The following SMARCC1 variants were observed in gnomAD, a reference collection of about 807,000 sequenced individuals.
SMARCC1 encodes the protein SWI/SNF related BAF chromatin remodeling complex subunit C1.
In SMARCC1, 43 loss-of-function variants were observed where a neutral mutation model predicts 147.4. The ratio of observed to expected loss-of-function variants is 0.29; its 90% CI spans 0.23 to 0.38. The LOEUF (loss-of-function observed/expected upper bound fraction) is 0.38, where lower values mean the gene tolerates loss of function less well. Among genes scored for constraint, SMARCC1 ranks in the 10% least tolerant of loss-of-function variants. The pLI is 1.00. For missense variants in SMARCC1, 1,119 were observed against 1,381.1 expected (o/e 0.81, Z 3.01); for synonymous variants, 495 against 484.4 (o/e 1.02, Z -0.29).
chr3:47,781,505 C>G (rs999125512), intron 1 of SMARCC1, 98 bp downstream of exon 1: 2 of 825,164 alleles, frequency 2.4e-6, no homozygotes, highest in Non-Finnish European at 3.4e-6. Context: ...TCCCTCGTGG[C>G]GTGCGGGGGG....
At chr3:47,680,864 A>G (rs995837323) in intron 14 of SMARCC1, among the ~76,000 whole-genome samples, 2 of 152,030 alleles carry the variant, frequency 1.3e-5, no homozygotes, top group African/African-American at 4.8e-5. Context: ...TCTTTTTAAA[A>G]GAATAAAATC....
intron 19 of SMARCC1, among the ~76,000 whole-genome samples, chr3:47,667,332 A>G (rs7355883): frequency 0.011 from 1,480 of 140,166 alleles, 20 homozygotes; most frequent in African/African-American, 0.036. Flanking sequence ...AAAAAAAAAA[A>G]AGAGAGAGAG....
chr3:47,722,982 C>A (rs2034250822), intron 6 of SMARCC1, among the ~76,000 whole-genome samples: 1 of 152,124 alleles, frequency 6.6e-6, no homozygotes, highest in Admixed American at 6.6e-5. Context: ...GCAAGAAACA[C>A]TGGGGTACAG....
At chr3:47,681,254 T>A (rs2033640702) in intron 14 of SMARCC1, among the ~76,000 whole-genome samples, 1 of 152,210 alleles carries the variant, frequency 6.6e-6, no homozygotes. Flanking sequence ...CTCAGGCTGT[T>A]AACATAAATG....
At chr3:47,732,627 T>C (rs1427313142) in intron 5 of SMARCC1, among the ~76,000 whole-genome samples, 1 of 152,138 alleles carries the variant, frequency 6.6e-6, no homozygotes, top group Non-Finnish European at 1.5e-5. Flanking sequence ...TTAATACTTG[T>C]GGGTCTCAGG....
chr3:47,640,973 A>G (rs2033040496), intron 21 of SMARCC1, among the ~76,000 whole-genome samples: 1 of 152,172 alleles, frequency 6.6e-6, no homozygotes, highest in African/African-American at 2.4e-5. Context: ...ATCTGACAAA[A>G]CTCAGTACTG....
At chr3:47,714,598 G>C in intron 7 of SMARCC1, 108 bp from the exon 8 acceptor site, 1 of 636,968 alleles carries the variant, frequency 1.6e-6, no homozygotes, top group South Asian at 2.0e-5. Flanking sequence ...TAAAATCCCA[G>C]CCTGGTCAAC....
chr3:47,724,211 T>C (rs941249355), intron 6 of SMARCC1, among the ~76,000 whole-genome samples: 3 of 152,208 alleles, frequency 2.0e-5, no homozygotes, highest in African/African-American at 7.2e-5. Flanking sequence ...TGCACACCCA[T>C]GTTCATTACA....
intron 26 of SMARCC1, among the ~76,000 whole-genome samples, chr3:47,599,146 G>C (rs568108739): frequency 2.0e-5 from 3 of 152,266 alleles, no homozygotes; most frequent in South Asian, 2.1e-4. Context: ...CAGCACTTTG[G>C]GGGGCTGAGG....
intron 14 of SMARCC1, among the ~76,000 whole-genome samples, chr3:47,681,510 T>A (rs1398259326): frequency 6.6e-6 from 1 of 152,180 alleles, no homozygotes; most frequent in Non-Finnish European, 1.5e-5. Flanking sequence ...ACAAACTGTA[T>A]ATCTAGCACA....
At chr3:47,590,941 G>A (rs369441738) in intron 26 of SMARCC1, 104 bp from the exon 27 acceptor site, 4 of 949,584 alleles carry the variant, frequency 4.2e-6, no homozygotes, top group Middle Eastern at 2.2e-4. Flanking sequence ...CCTTCCAAAG[G>A]ATCTGAAATA....
chr3:47,705,100 G>C (rs1347566592), intron 10 of SMARCC1, among the ~76,000 whole-genome samples: 1 of 151,834 alleles, frequency 6.6e-6, no homozygotes, highest in Non-Finnish European at 1.5e-5. Context: ...GAGGCAGGTG[G>C]ATCACGAGGT....
chr3:47,594,777 C>T (rs139736671), intron 26 of SMARCC1, among the ~76,000 whole-genome samples: 2 of 152,338 alleles, frequency 1.3e-5, no homozygotes, highest in East Asian at 3.9e-4. Context: ...AGGACTCAGG[C>T]ATCCTTGTGG....
At chr3:47,683,869 C>T (rs1469382451) in intron 14 of SMARCC1, among the ~76,000 whole-genome samples, 2 of 152,040 alleles carry the variant, frequency 1.3e-5, no homozygotes, top group Non-Finnish European at 2.9e-5. Flanking sequence ...AAAACAACAA[C>T]AACAAAACAG....
chr3:47,663,170 G>A (rs1576403304), intron 19 of SMARCC1, among the ~76,000 whole-genome samples: 1 of 96,790 alleles, frequency 1.0e-5, no homozygotes. Flanking sequence ...GAGGGTAGGG[G>A]AGAGGAGGGG....
Position 47,745,977 on chromosome 3 carries a change from T to A in SMARCC1, c.332A>T (p.Asp111Val), listed in dbSNP as rs2034560144. 6.3e-7 allele frequency: 1 copy of A among 1,581,242 alleles called. No homozygotes were observed. Among genetic ancestry groups the A allele is most frequent in the Non-Finnish European group, 8.6e-7 (1 of 1,168,886 alleles). Reference sequence around the variant, plus strand: ...ACATAAGGCGCCTCCAGCTTTGAAATCCATGAAACACTTTGCCTAAAAATG... The same window carrying A: ...ACATAAGGCGCCTCCAGCTTTGAAAACCATGAAACACTTTGCCTAAAAATG... ...FTKLPAKCFMDFKAGGALCHI... is the reference protein window; with the variant it reads ...FTKLPAKCFMVFKAGGALCHI... Residue 111 changes from aspartate to valine, a missense_variant, in exon 3 of 28, where the codon GAT becomes GTT. Asp to Val is a radical substitution (Grantham distance 152). Coordinates refer to ENST00000254480, the MANE Select transcript of SMARCC1 (RefSeq NM_003074.4).
chr3:47,631,741 G>A (rs1333075838), intron 24 of SMARCC1, among the ~76,000 whole-genome samples: 1 of 152,146 alleles, frequency 6.6e-6, no homozygotes, highest in Non-Finnish European at 1.5e-5. Context: ...GATTCTTAAG[G>A]AAAACTTTTA....
At chr3:47,609,031 G>A (rs946345122) in intron 26 of SMARCC1, among the ~76,000 whole-genome samples, 1 of 151,844 alleles carries the variant, frequency 6.6e-6, no homozygotes, top group Non-Finnish European at 1.5e-5. Flanking sequence ...CACATAAATG[G>A]CACAAAAAAG....
chr3:47,668,528 T>A (rs992437962), intron 19 of SMARCC1, among the ~76,000 whole-genome samples: 2 of 152,160 alleles, frequency 1.3e-5, no homozygotes, highest in Non-Finnish European at 2.9e-5. Flanking sequence ...GAAATGAACA[T>A]AACCAGATAT....
Sources: allele counts gnomAD v4.1 joint callset (sites outside exome capture counted in the v4.1 genomes callset), GRCh38; gene constraint gnomAD v4.1.1; transcripts MANE v1.5; gene names NCBI Gene and HGNC (gene_info 2026-07-23, HGNC 2026-07-21).